The following ZSWIM5 variants were observed in gnomAD, a reference collection of about 807,000 sequenced individuals.
The protein encoded by ZSWIM5 is zinc finger SWIM domain-containing protein 5.
In ZSWIM5, 55 loss-of-function variants were observed where a neutral mutation model predicts 119.6. The observed-to-expected ratio is 0.46, with a 90% CI of 0.37 to 0.58. The LOEUF (loss-of-function observed/expected upper bound fraction) is 0.58, where lower values mean the gene tolerates loss of function less well. ZSWIM5 is among the 20% of genes least tolerant of loss of function. The pLI is 0.00. For missense variants in ZSWIM5, 1,193 were observed against 1,512.8 expected (o/e 0.79, Z 3.51); for synonymous variants, 537 against 606.9 (o/e 0.88, Z 1.69).
Position 45,017,037 on chromosome 1 carries a change from GA to G in ZSWIM5, c.*1416del, listed in dbSNP as rs1025106205. The G allele has an allele frequency of 6.6e-6, 1 of 152,318 alleles. No homozygotes were observed. Among genetic ancestry groups the G allele is most frequent in the Non-Finnish European group, 1.5e-5 (1 of 68,076 alleles). The allele number at this position is 152,318 out of a possible 1,614,324, so 9.4% of individuals were successfully genotyped here. On this transcript the variant is annotated 3_prime_UTR_variant, in exon 14 of 14. Transcript: ENST00000359600. ...GGGGAAGAAAGCAAGTATGAGGCGA[GA>G]AGAGAACTATGGAGCTAAAGCAGCC...
chr1:45,087,858 C>T, intron 2 of ZSWIM5, 23 bp downstream of exon 2: 1 of 1,536,074 alleles, frequency 6.5e-7, no homozygotes, highest in Non-Finnish European at 8.8e-7. Flanking sequence ...CCTTTTTTTT[C>T]AATAAAAAAG....
Position 45,019,156 on chromosome 1 carries a change from T to C in ZSWIM5, c.2856A>G (p.Thr952=), listed in dbSNP as rs753180917. 1.9e-6 allele frequency: 3 copies of C among 1,613,808 alleles called. No individual in the cohort carries two copies. Among genetic ancestry groups the C allele is most frequent in the Non-Finnish European group, 1.7e-6 (2 of 1,180,020 alleles). ...QREELASCAR[T]LALQCAMKDP... ...CCTTCATAGCACACTGTAGAGCCAGTGTGCGAGCACAGCTAGCCAGTTCCT... is the reference window on the plus strand; with the variant it reads ...CCTTCATAGCACACTGTAGAGCCAGCGTGCGAGCACAGCTAGCCAGTTCCT... Residue 952 remains threonine, a synonymous_variant, in exon 14 of 14, where the codon ACA becomes ACG. Coordinates refer to ENST00000359600, the MANE Select transcript of ZSWIM5 (RefSeq NM_020883.2). The surrounding 1 kb of genome is among the most constrained non-coding windows in gnomAD (Gnocchi z 5.0).
At chr1:45,168,818 C>G (rs1341746618) in intron 1 of ZSWIM5, among the ~76,000 whole-genome samples, 1 of 151,706 alleles carries the variant, frequency 6.6e-6, no homozygotes, top group Non-Finnish European at 1.5e-5. Context: ...CAACACTGGG[C>G]CCAAATTTCT....
rs1243271752 is a variant in ZSWIM5, at chr1:45,036,031, C to G, written c.2155+8G>C. On this transcript the variant is annotated splice_region_variant and intron_variant, in intron 9 of 13. Coordinates refer to ENST00000359600, the MANE Select transcript of ZSWIM5 (RefSeq NM_020883.2). ...AGACACCGTGACAAGAGACTCTTTTCTACTTACCTTCCAGCAGTAAGATGC... is the reference window on the plus strand; with the variant it reads ...AGACACCGTGACAAGAGACTCTTTTGTACTTACCTTCCAGCAGTAAGATGC... The G allele has an allele frequency of 4.3e-6, 7 of 1,612,158 alleles. No homozygotes were observed. The highest frequency in any genetic ancestry group is 1.3e-5 in the African/African-American group (1 of 74,888).
chr1:45,025,832 A>G (rs12141099), intron 11 of ZSWIM5, among the ~76,000 whole-genome samples: 53,357 of 152,002 alleles, frequency 0.35, 11,805 homozygotes, highest in Middle Eastern at 0.59. Context: ...AGAATTTTTG[A>G]CCTTAAGATG....
chr1:45,071,501 G>A (rs1284514930), intron 2 of ZSWIM5, among the ~76,000 whole-genome samples: 2 of 121,936 alleles, frequency 1.6e-5, no homozygotes, highest in African/African-American at 6.3e-5. Flanking sequence ...TGTCACCCAG[G>A]CTGGAGTGCA....
At chr1:45,090,505 C>A (rs1645358464) in intron 1 of ZSWIM5, among the ~76,000 whole-genome samples, 1 of 152,122 alleles carries the variant, frequency 6.6e-6, no homozygotes, top group Non-Finnish European at 1.5e-5. Context: ...AATCCCAGCA[C>A]TTTCGGAGAC....
At chr1:45,044,444 C>T (rs1645034990) in intron 5 of ZSWIM5, among the ~76,000 whole-genome samples, 1 of 150,966 alleles carries the variant, frequency 6.6e-6, no homozygotes, top group African/African-American at 2.4e-5. Flanking sequence ...AAAAATTGGG[C>T]CGGGTGCGGT....
intron 11 of ZSWIM5, among the ~76,000 whole-genome samples, chr1:45,027,152 T>G (rs1165257239): frequency 6.6e-6 from 1 of 151,886 alleles, no homozygotes; most frequent in Non-Finnish European, 1.5e-5. Context: ...TTATTGATCT[T>G]TTCAAAGAAC....
chr1:45,051,622 A>C (rs763877222), intron 4 of ZSWIM5, among the ~76,000 whole-genome samples: 50 of 152,356 alleles, frequency 3.3e-4, no homozygotes, highest in South Asian at 4.1e-4. Context: ...GGAGACAGAT[A>C]AATAAACATA....
At chr1:45,031,339 C>T (rs1435635674) in intron 11 of ZSWIM5, among the ~76,000 whole-genome samples, 1 of 150,810 alleles carries the variant, frequency 6.6e-6, no homozygotes, top group Admixed American at 6.6e-5. Context: ...ACCATGCTCA[C>T]GCAATTTTTT....
chr1:45,176,646 A>G (rs1011308600), intron 1 of ZSWIM5, among the ~76,000 whole-genome samples: 2 of 152,200 alleles, frequency 1.3e-5, no homozygotes, highest in South Asian at 2.1e-4. Context: ...GTTGATCAAT[A>G]TCTATAAATA....
intron 1 of ZSWIM5, among the ~76,000 whole-genome samples, chr1:45,187,130 G>A (rs1335725362): frequency 6.6e-6 from 1 of 151,924 alleles, no homozygotes; most frequent in African/African-American, 2.4e-5. Flanking sequence ...GAAACTCAAG[G>A]GAATGAGAAT....
intron 1 of ZSWIM5, among the ~76,000 whole-genome samples, chr1:45,163,656 G>A (rs1645879591): frequency 6.6e-6 from 1 of 152,182 alleles, no homozygotes; most frequent in African/African-American, 2.4e-5. Context: ...GAAAACCATG[G>A]CACGAGAACT....
At chr1:45,200,151 A>T (rs1010962439) in intron 1 of ZSWIM5, among the ~76,000 whole-genome samples, 1 of 152,226 alleles carries the variant, frequency 6.6e-6, no homozygotes, top group Non-Finnish European at 1.5e-5. Context: ...TTTACTGAGC[A>T]CCAACTTAGG....
chr1:45,190,791 G>C (rs1340854919), intron 1 of ZSWIM5, among the ~76,000 whole-genome samples: 1 of 152,134 alleles, frequency 6.6e-6, no homozygotes, highest in Non-Finnish European at 1.5e-5. Flanking sequence ...TGAAAGAACG[G>C]CAACAGAAGC....
At chr1:45,035,009 A>G (rs1383886615) in intron 10 of ZSWIM5, among the ~76,000 whole-genome samples, 1 of 152,070 alleles carries the variant, frequency 6.6e-6, no homozygotes, top group Non-Finnish European at 1.5e-5. Context: ...GCTGGTCTCA[A>G]ACTCCTGGGC....
At chr1:45,040,608 G>A (rs1311540373) in intron 6 of ZSWIM5, 70 bp from the exon 7 acceptor site, 1 of 1,426,684 alleles carries the variant, frequency 7.0e-7, no homozygotes, top group Non-Finnish European at 9.5e-7. Context: ...ACCTGACAAA[G>A]AGAGTTTGTA....
intron 2 of ZSWIM5, among the ~76,000 whole-genome samples, chr1:45,065,751 C>T (rs931176830): frequency 2.0e-5 from 3 of 151,942 alleles, no homozygotes; most frequent in Non-Finnish European, 4.4e-5. Flanking sequence ...TTTGGGGCAT[C>T]GAGGTAACAA....
Sources: gnomAD v4.1 joint callset for allele counts (sites outside exome capture counted in the v4.1 genomes callset) on GRCh38, gnomAD v4.1.1 for gene constraint, Gnocchi (gnomAD v3.1) non-coding constraint, MANE v1.5 for transcripts, NCBI Gene and HGNC (gene_info 2026-07-23, HGNC 2026-07-21) for gene names.